SVOP: variants seen among roughly 807,000 people sequenced by gnomAD.
SVOP encodes the protein SV2 related protein, also known as synaptic vesicle 2-related protein.
SVOP carries 17 observed loss-of-function variants against 69.1 expected under a neutral mutation model. The observed-to-expected ratio is 0.25, with a 90% CI of 0.17 to 0.37. The LOEUF is 0.37. Among genes scored for constraint, SVOP ranks in the 10% least tolerant of loss-of-function variants. The probability of loss-of-function intolerance (pLI) is 1.00; values close to 1 mark genes in which losing one functional copy is unlikely to be tolerated. For missense variants in SVOP, 435 were observed against 597.5 expected (o/e 0.73, Z 2.84); for synonymous variants, 238 against 238.6 (o/e 1.00, Z 0.02).
intron 6 of SVOP, among the ~76,000 whole-genome samples, chr12:108,958,552 AT>A (rs2039998451): frequency 6.6e-6 from 1 of 152,082 alleles, no homozygotes; most frequent in African/African-American, 2.4e-5. Flanking sequence ...CTATTGATGC[AT>A]TTTTGGAACA....
intron 1 of SVOP, among the ~76,000 whole-genome samples, chr12:109,010,127 C>CAA (rs11311870): frequency 3.4e-3 from 399 of 119,024 alleles, no homozygotes; most frequent in African/African-American, 1.0e-2. Context: ...CTCTCTCTCT[C>CAA]AAAAAAAAAA....
intron 13 of SVOP, 54 bp downstream of exon 13, chr12:108,919,621 C>A: frequency 7.0e-7 from 1 of 1,436,926 alleles, no homozygotes; most frequent in South Asian, 1.2e-5. Context: ...CCCACACCTG[C>A]ACCCACACCT....
At chr12:108,932,778 G>A (rs1281064486) in intron 11 of SVOP, among the ~76,000 whole-genome samples, 1 of 152,032 alleles carries the variant, frequency 6.6e-6, no homozygotes, top group Non-Finnish European at 1.5e-5. Context: ...CAGACTCTTC[G>A]TGGCAATCAG....
At chr12:108,972,242 G>A (rs944450257) in intron 5 of SVOP, among the ~76,000 whole-genome samples, 163 bp downstream of exon 5, 10 of 151,858 alleles carry the variant, frequency 6.6e-5, no homozygotes, top group African/African-American at 2.4e-4. Flanking sequence ...TCTGTGCTTT[G>A]AAGAGAGTCC....
At chr12:108,926,158 C>A (rs375587245) in intron 11 of SVOP, among the ~76,000 whole-genome samples, 1 of 152,260 alleles carries the variant, frequency 6.6e-6, no homozygotes, top group South Asian at 2.1e-4. Flanking sequence ...TAGCCTCAAG[C>A]AATCCTCCCT....
At chr12:108,950,200 T>C (rs1593187755) in intron 6 of SVOP, among the ~76,000 whole-genome samples, 1 of 150,960 alleles carries the variant, frequency 6.6e-6, no homozygotes, top group African/African-American at 2.4e-5. Flanking sequence ...GTAGCTGGGA[T>C]GACAGGCATG....
intron 11 of SVOP, 39 bp from the exon 12 acceptor site, chr12:108,922,836 C>T (rs772265633): frequency 1.4e-6 from 2 of 1,445,658 alleles, no homozygotes; most frequent in Non-Finnish European, 1.9e-6. Context: ...GAGACATATA[C>T]AGAGTCTTGA....
intron 8 of SVOP, 71 bp downstream of exon 8, chr12:108,940,713 C>T: frequency 6.6e-7 from 1 of 1,511,304 alleles, no homozygotes; most frequent in Non-Finnish European, 8.9e-7. Context: ...TCCCTATCCC[C>T]TCCCCACCAA....
rs182622279 is a variant in SVOP, at chr12:108,908,326, A to G, written c.*4209T>C. On this transcript the variant is annotated 3_prime_UTR_variant, in exon 16 of 16. Transcript: ENST00000610966. ...TACTTTATTCCTATGCAATCTCTCT[A>G]AACTGTCAGAGTGAACCATCAGCCC... is the stretch of plus-strand genomic sequence containing the variant. 2.0e-5 allele frequency: 3 copies of G among 152,390 alleles called. No individual in the cohort carries two copies. The highest frequency in any genetic ancestry group is 7.2e-5 in the African/African-American group (3 of 41,574). 9.4% of individuals were successfully genotyped at this position (152,390 alleles called of 1,614,324 possible).
chr12:108,947,998 G>C (rs904936612), intron 6 of SVOP, among the ~76,000 whole-genome samples: 1 of 151,986 alleles, frequency 6.6e-6, no homozygotes. Context: ...CTTCTCTTAG[G>C]GATACTCTTG....
At chr12:108,967,476 G>C (rs1289740216) in intron 5 of SVOP, among the ~76,000 whole-genome samples, 3 of 151,480 alleles carry the variant, frequency 2.0e-5, no homozygotes. Context: ...TCCAGCCTGG[G>C]TGACAAAGCG....
In SVOP at chr12:108,973,031, C is replaced by T. The variant is rs529863289; in HGVS notation, c.382-555G>A. On this transcript the variant is annotated intron_variant, in intron 4 of 15. Coordinates refer to ENST00000610966, the MANE Select transcript of SVOP (RefSeq NM_018711.5). ...TATGACAGAATGGGGAGCTGAGGCT[C>T]AGATAGATTAGAAACCTGCTCCGCC... Among the ~76,000 whole-genome samples the T allele has an allele frequency of 9.2e-5, 14 of 152,288 alleles. No homozygotes were observed. The South Asian group carries it at 2.9e-3, about 32-fold the overall frequency.
At chr12:108,930,116 G>T (rs2039807187) in intron 11 of SVOP, among the ~76,000 whole-genome samples, 3 of 152,170 alleles carry the variant, frequency 2.0e-5, no homozygotes, top group Admixed American at 6.5e-5. Context: ...ATTAAAAGAA[G>T]AGGAAATAAT....
chr12:108,924,604 C>G lies in SVOP; in HGVS notation c.1049-1807G>C, dbSNP rs538327421. 2.0e-5 allele frequency among the ~76,000 whole-genome samples: 3 copies of G among 152,230 alleles called. No individual in the cohort carries two copies. In the South Asian group the frequency reaches 6.2e-4, roughly 32 times the overall value. The stretch of plus-strand genomic sequence containing the variant: ...CCCTGTCTCAGGAGGCTTCTGCCCA[C>G]CACCCCCAAACATGGAAATAAAGGA... On this transcript the variant is annotated intron_variant, in intron 11 of 15. Transcript: ENST00000610966.
At chr12:108,982,836 C>CCAT (rs1262362678) in intron 2 of SVOP, among the ~76,000 whole-genome samples, 63 of 74,044 alleles carry the variant, frequency 8.5e-4, no homozygotes, top group African/African-American at 1.3e-3. Flanking sequence ...ATCACTGTCA[C>CCAT]CATCATCATC....
In SVOP at chr12:108,993,795, C is replaced by G. The variant is rs552150058; in HGVS notation, c.36-10034G>C. ...AGTCCCAAAGAAGCAACCCCAAAAT[C>G]AAAAACGTGAAGAGTCCCCTAAGGT... On this transcript the variant is annotated intron_variant, in intron 1 of 15. Coordinates refer to ENST00000610966, the MANE Select transcript of SVOP (RefSeq NM_018711.5). 1.0e-3 allele frequency among the ~76,000 whole-genome samples: 156 copies of G among 152,132 alleles called. 4 individuals are homozygous for G. The South Asian group carries it at 0.02, about 19-fold the overall frequency.
intron 6 of SVOP, among the ~76,000 whole-genome samples, chr12:108,954,197 C>G (rs1320032484): frequency 6.6e-6 from 1 of 151,172 alleles, no homozygotes; most frequent in East Asian, 1.9e-4. Context: ...TAGACATCAG[C>G]TCTGCCATTT....
intron 1 of SVOP, among the ~76,000 whole-genome samples, chr12:108,984,084 T>C (rs2040155400): frequency 6.6e-6 from 1 of 152,216 alleles, no homozygotes; most frequent in Non-Finnish European, 1.5e-5. Flanking sequence ...TTGTTTCAGA[T>C]TTTAGACTCA....
intron 3 of SVOP, 50 bp from the exon 4 acceptor site, chr12:108,977,546 G>C: frequency 7.5e-7 from 1 of 1,332,220 alleles, no homozygotes; most frequent in Non-Finnish European, 1.0e-6. Flanking sequence ...CTTGGTGCTG[G>C]GGAAGGCTGG....
Sources: gnomAD v4.1 joint callset for allele counts (sites outside exome capture counted in the v4.1 genomes callset) on GRCh38, gnomAD v4.1.1 for gene constraint, MANE v1.5 for transcripts, NCBI Gene and HGNC (gene_info 2026-07-23, HGNC 2026-07-21) for gene names.